Variants in MYT1L observed in about 807,000 individuals in gnomAD.
MYT1L encodes the protein myelin transcription factor 1-like protein.
A neutral mutation model predicts 126.7 loss-of-function variants in MYT1L; 12 were observed. The ratio of observed to expected loss-of-function variants is 0.09; its 90% confidence interval spans 0.06 to 0.15. The LOEUF is 0.15. Among genes scored for constraint, MYT1L ranks in the 10% least tolerant of loss-of-function variants. The pLI, the probability that MYT1L is intolerant of heterozygous loss-of-function variation, is 1.00. For missense variants in MYT1L, 979 were observed against 1,585.2 expected (o/e 0.62, Z 6.49); for synonymous variants, 541 against 604.2 (o/e 0.90, Z 1.53).
intron 4 of MYT1L, among the ~76,000 whole-genome samples, chr2:1,999,311 A>C (rs1295556272): frequency 1.3e-5 from 2 of 152,182 alleles, no homozygotes; most frequent in Non-Finnish European, 2.9e-5. Flanking sequence ...TATGAATGTG[A>C]CCAGTTAATT....
At chr2:2,293,625 T>C (rs533050861) in intron 1 of MYT1L, among the ~76,000 whole-genome samples, 20 of 152,024 alleles carry the variant, frequency 1.3e-4, no homozygotes, top group African/African-American at 4.6e-4. Context: ...TAGTAACTGG[T>C]ATAAGATGGT....
intron 3 of MYT1L, among the ~76,000 whole-genome samples, chr2:2,068,401 C>T (rs1189114160): frequency 2.0e-5 from 3 of 152,084 alleles, no homozygotes; most frequent in East Asian, 3.9e-4. Context: ...AGATGAGACC[C>T]GGACCCTCCC....
Position 1,791,746 on chromosome 2 carries a change from TA to T in MYT1L, c.*120del. Reference sequence around the variant, plus strand: ...GACATAAAATCATTATGAAGTCTTGTAAGCATAACACTGTTTCAAATTCAAA... The same window carrying T: ...GACATAAAATCATTATGAAGTCTTGTAGCATAACACTGTTTCAAATTCAAA... On this transcript the variant is annotated 3_prime_UTR_variant, in exon 25 of 25. Transcript: ENST00000647738. The surrounding 1 kb of genome is among the most constrained non-coding windows in gnomAD (Gnocchi z 6.0). The T allele has an allele frequency of 9.9e-7, 1 of 1,012,300 alleles. No individual in the cohort carries two copies. The highest frequency in any genetic ancestry group is 1.4e-6 in the Non-Finnish European group (1 of 714,760). The allele number at this position is 1,012,300 out of a possible 1,614,324, so 62.7% of individuals were successfully genotyped here. A position where few individuals can be genotyped will look rare whatever the true frequency, so the allele number is the denominator to read the frequency against.
intron 23 of MYT1L, among the ~76,000 whole-genome samples, chr2:1,794,503 C>T (rs541614498): frequency 1.9e-4 from 29 of 152,272 alleles, no homozygotes; most frequent in African/African-American, 6.5e-4. Flanking sequence ...CCAGAGTAAA[C>T]GGAAGTCCAA....
intron 8 of MYT1L, among the ~76,000 whole-genome samples, chr2:1,952,778 CCTTT>C (rs1324680942): frequency 1.2e-5 from 1 of 80,416 alleles, no homozygotes; most frequent in Non-Finnish European, 2.5e-5. Context: ...TCCCTTCCCT[CCTTT>C]CCTCCCTTCC....
chr2:2,286,708 A>T (rs965240370), intron 1 of MYT1L, among the ~76,000 whole-genome samples: 1 of 152,118 alleles, frequency 6.6e-6, no homozygotes, highest in Non-Finnish European at 1.5e-5. Flanking sequence ...AGCAGGAGAG[A>T]TCATCTGTGG....
Position 1,917,117 on chromosome 2 carries a change from A to G in MYT1L, c.1618+88T>C. On this transcript the variant is annotated intron_variant, in intron 11 of 24. Transcript: ENST00000647738. This position sits in a 1 kb window ranked among gnomAD's most constrained non-coding sequence, Gnocchi z 5.9. ...TAAATCAGGTCGCACCGAGCCGTAC[A>G]ATGGAGATGATGTCAGGTAAGAGGG... is the stretch of plus-strand genomic sequence containing the variant. 6.7e-7 allele frequency: 1 copy of G among 1,498,840 alleles called. No individual in the cohort carries two copies. Among genetic ancestry groups the G allele is most frequent in the Non-Finnish European group, 9.1e-7 (1 of 1,101,188 alleles). The allele number at this position is 1,498,840 out of a possible 1,614,324, so 92.8% of individuals were successfully genotyped here.
chr2:2,288,678 T>C (rs2095556935), intron 1 of MYT1L, among the ~76,000 whole-genome samples: 1 of 152,228 alleles, frequency 6.6e-6, no homozygotes, highest in Non-Finnish European at 1.5e-5. Context: ...TACTGGAAAA[T>C]GTAATATCAC....
intron 18 of MYT1L, among the ~76,000 whole-genome samples, chr2:1,870,689 T>C (rs1251940764): frequency 6.6e-6 from 1 of 152,194 alleles, no homozygotes; most frequent in Non-Finnish European, 1.5e-5. Context: ...ACGATCTGTG[T>C]TTTCTCTTTA....
chr2:2,279,623 C>A (rs1573102312), intron 2 of MYT1L, among the ~76,000 whole-genome samples: 1 of 133,800 alleles, frequency 7.5e-6, no homozygotes, highest in Non-Finnish European at 1.7e-5. Flanking sequence ...CAAGATTATC[C>A]CTCAAATGTC....
chr2:1,906,531 T>C (rs2051079710), intron 13 of MYT1L, among the ~76,000 whole-genome samples: 1 of 152,184 alleles, frequency 6.6e-6, no homozygotes, highest in Non-Finnish European at 1.5e-5. Flanking sequence ...TTTAGACTGA[T>C]AGCCATATCT....
At chr2:2,109,913 A>G (rs1029168787) in intron 3 of MYT1L, among the ~76,000 whole-genome samples, 2 of 112,636 alleles carry the variant, frequency 1.8e-5, no homozygotes, top group Admixed American at 1.8e-4. Flanking sequence ...ATATATATAT[A>G]TATATATATA....
chr2:2,329,668 A>G (rs2149748134), intron 1 of MYT1L, among the ~76,000 whole-genome samples: 1 of 152,314 alleles, frequency 6.6e-6, no homozygotes. Flanking sequence ...TGAAAAGTGT[A>G]TGATAGTATG....
At chr2:2,321,831 GA>G (rs1419185342) in intron 1 of MYT1L, among the ~76,000 whole-genome samples, 2 of 152,112 alleles carry the variant, frequency 1.3e-5, no homozygotes, top group Non-Finnish European at 2.9e-5. Flanking sequence ...TTTCTTTAAA[GA>G]AATTGGAGTG....
At chr2:1,973,948 G>T (rs919762071) in intron 8 of MYT1L, among the ~76,000 whole-genome samples, 26 of 152,342 alleles carry the variant, frequency 1.7e-4, no homozygotes, top group African/African-American at 5.5e-4. Context: ...CGAGGGTGAG[G>T]AGAAGAATAT....
chr2:1,943,432 C>T lies in MYT1L; in HGVS notation c.153-98G>A. On this transcript the variant is annotated intron_variant, in intron 8 of 24. Coordinates refer to ENST00000647738, the MANE Select transcript of MYT1L (RefSeq NM_001303052.2). The surrounding 1 kb of genome is among the most constrained non-coding windows in gnomAD (Gnocchi z 4.4). ...ACCAATGGGGGCCTTGATCAAGGTA[C>T]TTAAAGGCTTATCATGAATGTCATC... is the stretch of plus-strand genomic sequence containing the variant. The T allele has an allele frequency of 7.6e-7, 1 of 1,320,848 alleles. No individual in the cohort carries two copies. Among genetic ancestry groups the T allele is most frequent in the East Asian group, 2.5e-5 (1 of 39,608 alleles). The allele number at this position is 1,320,848 out of a possible 1,614,324, so 81.8% of individuals were successfully genotyped here. A position where few individuals can be genotyped will look rare whatever the true frequency, so the allele number is the denominator to read the frequency against.
In MYT1L at chr2:1,912,605, T is replaced by C. The variant is rs1186688140; in HGVS notation, c.1619-495A>G. Among the ~76,000 whole-genome samples, 14 of 152,184 alleles carry C rather than the reference T, an allele frequency of 9.2e-5. 1 individual carries two copies. The highest frequency in any genetic ancestry group is 9.2e-4 in the Admixed American group (14 of 15,280). ...CACAGCATTATGAACGTGTGGTGGG[T>C]AGATGAATACAGAACCACAAACCTT... is the stretch of plus-strand genomic sequence containing the variant. On this transcript the variant is annotated intron_variant, in intron 11 of 24. Transcript: ENST00000647738. This position sits in a 1 kb window ranked among gnomAD's most constrained non-coding sequence, Gnocchi z 4.3.
chr2:1,985,659 T>G (rs981831536), intron 5 of MYT1L, among the ~76,000 whole-genome samples: 2 of 152,236 alleles, frequency 1.3e-5, no homozygotes, highest in African/African-American at 4.8e-5. Context: ...TGGCATAGTT[T>G]GAATGCTTAA....
At chr2:2,261,072 A>G (rs1324201654) in intron 2 of MYT1L, among the ~76,000 whole-genome samples, 1 of 152,166 alleles carries the variant, frequency 6.6e-6, no homozygotes, top group African/African-American at 2.4e-5. Flanking sequence ...CATTTGCCTC[A>G]GTCCATTGCC....
Sources: allele counts gnomAD v4.1 joint callset (sites outside exome capture counted in the v4.1 genomes callset), GRCh38; gene constraint gnomAD v4.1.1; non-coding constraint Gnocchi (gnomAD v3.1); transcripts MANE v1.5; gene names NCBI Gene and HGNC (gene_info 2026-07-23, HGNC 2026-07-21).